The following LARGE1 variants were observed in gnomAD, a reference collection of about 807,000 sequenced individuals.
The protein encoded by LARGE1 is xylosyl- and glucuronyltransferase LARGE1.
A neutral mutation model predicts 87.6 loss-of-function variants in LARGE1; 43 were observed. The ratio of observed to expected loss-of-function variants is 0.49; its 90% CI spans 0.38 to 0.63. The LOEUF is 0.63. Among genes scored for constraint, LARGE1 ranks in the 30% least tolerant of loss-of-function variants. The pLI is 0.00. For missense variants in LARGE1, 802 were observed against 1,000.2 expected (o/e 0.80, Z 2.67); for synonymous variants, 434 against 394.6 (o/e 1.10, Z -1.18).
chr22:33,337,841 TG>T, intron 9 of LARGE1, 40 bp from the exon 10 acceptor site: 1 of 1,607,322 alleles, frequency 6.2e-7, no homozygotes, highest in Non-Finnish European at 8.5e-7. Context: ...ATGGCAGGGG[TG>T]GGGTGGGGAT....
chr22:33,875,161 T>G (rs2064425081), intron 1 of LARGE1, among the ~76,000 whole-genome samples: 1 of 152,224 alleles, frequency 6.6e-6, no homozygotes, highest in African/African-American at 2.4e-5. Context: ...AGGGGCAATT[T>G]TATTCTGGCT....
At chr22:33,875,282 G>C (rs954147930) in intron 1 of LARGE1, among the ~76,000 whole-genome samples, 1 of 152,184 alleles carries the variant, frequency 6.6e-6, no homozygotes, top group African/African-American at 2.4e-5. Flanking sequence ...TGCGGGAACT[G>C]CCTGCTTGCA....
At chr22:33,592,093 G>C (rs922224522) in intron 5 of LARGE1, among the ~76,000 whole-genome samples, 101 of 134,246 alleles carry the variant, frequency 7.5e-4, no homozygotes, top group African/African-American at 2.7e-3. Flanking sequence ...GAGGGGAGGG[G>C]AGGGGAGGGA....
chr22:33,350,678 G>A (rs1569083996), intron 9 of LARGE1, among the ~76,000 whole-genome samples: 2 of 152,182 alleles, frequency 1.3e-5, no homozygotes, highest in Non-Finnish European at 2.9e-5. Flanking sequence ...AGGCAGCTGT[G>A]CTTCCTGGTT....
At chr22:33,390,404 C>T (rs1287720821) in intron 7 of LARGE1, among the ~76,000 whole-genome samples, 2 of 152,208 alleles carry the variant, frequency 1.3e-5, no homozygotes, top group Non-Finnish European at 1.5e-5. Flanking sequence ...TCCGATGTCA[C>T]AGTGCTGGCA....
chr22:33,399,791 G>C (rs1343282959), intron 7 of LARGE1, among the ~76,000 whole-genome samples: 1 of 152,030 alleles, frequency 6.6e-6, no homozygotes, highest in Non-Finnish European at 1.5e-5. Flanking sequence ...CTCGTGATCT[G>C]CCCGCCTCGG....
intron 5 of LARGE1, among the ~76,000 whole-genome samples, chr22:33,573,593 T>C (rs1049313629): frequency 1.2e-4 from 19 of 152,258 alleles, no homozygotes; most frequent in African/African-American, 4.6e-4. Flanking sequence ...CCAGGGTCCA[T>C]GATGAAGGAA....
intron 13 of LARGE1, among the ~76,000 whole-genome samples, chr22:33,281,320 T>C (rs1011096295): frequency 3.0e-4 from 46 of 152,118 alleles, no homozygotes; most frequent in Non-Finnish European, 6.3e-4. Context: ...ATGGGAGACT[T>C]ATATTAAGGT....
chr22:33,475,187 C>T (rs1182782621), intron 6 of LARGE1, among the ~76,000 whole-genome samples: 1 of 152,144 alleles, frequency 6.6e-6, no homozygotes, highest in African/African-American at 2.4e-5. Context: ...AAGATGAATA[C>T]TGGGGTGGGA....
intron 1 of LARGE1, among the ~76,000 whole-genome samples, chr22:33,827,003 T>G (rs1478904240): frequency 6.6e-6 from 1 of 152,136 alleles, no homozygotes; most frequent in Admixed American, 6.5e-5. Context: ...CACCCCGGAT[T>G]ACCCAGAAGA....
At chr22:33,207,361 A>G (rs1924736374) in intron 11 of LARGE1, among the ~76,000 whole-genome samples, 2 of 152,230 alleles carry the variant, frequency 1.3e-5, no homozygotes, top group African/African-American at 4.8e-5. Flanking sequence ...CTTCTTCCCT[A>G]GCTATTTCAG....
At chr22:33,207,230 C>T (rs1924729569) in intron 11 of LARGE1, among the ~76,000 whole-genome samples, 1 of 152,212 alleles carries the variant, frequency 6.6e-6, no homozygotes, top group Non-Finnish European at 1.5e-5. Context: ...AAAAGATTGC[C>T]TAAACTAAAT....
rs954383648 is a variant in LARGE1 at position 33,907,752 on chromosome 22, G to A, written c.-83+12243C>T. 2.6e-5 allele frequency among the ~76,000 whole-genome samples: 4 copies of A among 152,068 alleles called. No homozygotes were observed. The South Asian group carries it at 6.2e-4, about 24-fold the overall frequency. On this transcript the variant is annotated intron_variant, in intron 1 of 14. Transcript: ENST00000397394. Reference sequence around the variant, plus strand: ...TGGGACTACAGGCGCCCGCCACCACGCCCGGCTAATTTTTTTTTGTATTTT... The same window carrying A: ...TGGGACTACAGGCGCCCGCCACCACACCCGGCTAATTTTTTTTTGTATTTT...
chr22:33,650,203 A>G (rs758645550), intron 3 of LARGE1, among the ~76,000 whole-genome samples, 164 bp downstream of exon 3: 5 of 152,210 alleles, frequency 3.3e-5, no homozygotes, highest in Non-Finnish European at 7.3e-5. Flanking sequence ...ATGACTTGTC[A>G]GACCATTGAG....
At chr22:33,862,304 G>A (rs764368829) in intron 1 of LARGE1, among the ~76,000 whole-genome samples, 5 of 152,208 alleles carry the variant, frequency 3.3e-5, no homozygotes, top group Non-Finnish European at 7.3e-5. Context: ...GGGAGCAAAG[G>A]AAGACTCTGT....
At chr22:33,077,129 GTTA>G in the LARGE1 span, among the ~76,000 whole-genome samples, 2 of 152,060 alleles carry the variant, frequency 1.3e-5, no homozygotes, top group Admixed American at 6.6e-5. Flanking sequence ...ATGTATTATT[GTTA>G]TTATTATTAT....
chr22:33,863,594 CAA>C (rs530225749), intron 1 of LARGE1, among the ~76,000 whole-genome samples: 28 of 122,032 alleles, frequency 2.3e-4, no homozygotes, highest in Admixed American at 3.4e-4. Flanking sequence ...CCGTCTCTAC[CAA>C]AAAAAAAAAA....
intron 9 of LARGE1, among the ~76,000 whole-genome samples, chr22:33,357,301 G>T (rs1004208767): frequency 6.6e-6 from 1 of 152,002 alleles, no homozygotes; most frequent in African/African-American, 2.4e-5. Context: ...GCTAAATAGT[G>T]AGGGCACATG....
chr22:33,120,068 C>A, the LARGE1 span, among the ~76,000 whole-genome samples: 1 of 151,936 alleles, frequency 6.6e-6, no homozygotes, highest in East Asian at 1.9e-4. Context: ...GTACCAGGAA[C>A]CCATATTTGA....
Sources: gnomAD v4.1 joint callset for allele counts (sites outside exome capture counted in the v4.1 genomes callset) on GRCh38, gnomAD v4.1.1 for gene constraint, MANE v1.5 for transcripts, NCBI Gene and HGNC (gene_info 2026-07-23, HGNC 2026-07-21) for gene names.